The following PI4KA variants were observed in gnomAD, a reference collection of about 807,000 sequenced individuals.
PI4KA encodes PI4-kinase alpha.
A neutral mutation model predicts 271.4 loss-of-function variants in PI4KA; 122 were observed. The observed-to-expected ratio is 0.45, with a 90% CI of 0.39 to 0.52. The LOEUF is 0.52. Among genes scored for constraint, PI4KA ranks in the 20% least tolerant of loss-of-function variants. The probability of loss-of-function intolerance (pLI) is 0.00; values close to 1 mark genes in which losing one functional copy is unlikely to be tolerated. For synonymous variants in PI4KA, 1,041 were observed against 1,078.8 expected (o/e 0.96, Z 0.69); for missense variants, 1,969 against 2,769.1 (o/e 0.71, Z 6.48).
At chr22:20,850,595 G>A (rs1231871073) in intron 1 of PI4KA, among the ~76,000 whole-genome samples, 2 of 151,720 alleles carry the variant, frequency 1.3e-5, no homozygotes, top group East Asian at 2.0e-4. Flanking sequence ...AGGCCACCAC[G>A]CCCAGCTAAT....
chr22:20,799,245 G>A lies in PI4KA; in HGVS notation c.1852C>T (p.Arg618Ter), dbSNP rs201395198. 6.5e-5 allele frequency: 100 copies of A among 1,537,478 alleles called. No homozygotes were observed. Among genetic ancestry groups the A allele is most frequent in the East Asian group, 2.3e-5 (1 of 43,642 alleles). The change falls in exon 16 of 55, where the codon CGA (arginine) becomes TGA (stop). Residue 618 changes from arginine to a stop codon, truncating the protein, a stop_gained. Coordinates refer to ENST00000255882, the MANE Select transcript of PI4KA (RefSeq NM_058004.4). LOFTEE classifies it high-confidence loss of function. ...DAHLIPDHTIRALGHIAVALR... is the reference protein window; with the variant it reads ...DAHLIPDHTI ...GCCACCGCAATGTGTCCCAAGGCTC[G>A]GATTGTGTGGTCGGGAATCAAGTGA...
Position 20,726,552 on chromosome 22 carries a change from G to A in PI4KA, c.4942-11C>T, listed in dbSNP as rs1158960251. ...GAAGAGGATGGCGTCCTGTGGAGGTGGAGCAGAGTTGGCCATGACTTCTGA... is the reference window on the plus strand; with the variant it reads ...GAAGAGGATGGCGTCCTGTGGAGGTAGAGCAGAGTTGGCCATGACTTCTGA... On this transcript the variant is annotated splice_polypyrimidine_tract_variant and intron_variant, in intron 41 of 54. Transcript: ENST00000255882. 1 of 1,585,214 alleles carries A rather than the reference G, an allele frequency of 6.3e-7. No homozygotes were observed. Among genetic ancestry groups the A allele is most frequent in the Admixed American group, 1.8e-5 (1 of 55,606 alleles).
chr22:20,774,017 T>C (rs1933044563), intron 19 of PI4KA: 2 of 152,200 alleles, frequency 1.3e-5, no homozygotes, highest in South Asian at 4.1e-4. Flanking sequence ...GGTTGCCTGG[T>C]GTTTGGATTG....
chr22:20,786,954 T>C, intron 19 of PI4KA: 1 of 1,614,168 alleles, frequency 6.2e-7, no homozygotes, highest in Non-Finnish European at 8.5e-7. Flanking sequence ...TTCATGCCGC[T>C]GTCCACCCAA....
intron 32 of PI4KA, 94 bp from the exon 33 acceptor site, chr22:20,734,647 C>T (rs1928488672): frequency 2.4e-6 from 3 of 1,254,594 alleles, no homozygotes; most frequent in African/African-American, 1.5e-5. Flanking sequence ...CACGTGCTCA[C>T]TGAATAAGAT....
At chr22:20,785,210 C>T (rs1934124211) in intron 19 of PI4KA, among the ~76,000 whole-genome samples, 2 of 152,004 alleles carry the variant, frequency 1.3e-5, no homozygotes, top group Admixed American at 1.3e-4. Context: ...GTTGAGACTA[C>T]AGGCGTGCAC....
At chr22:20,759,407 T>TC (rs1568998106) in intron 23 of PI4KA, among the ~76,000 whole-genome samples, 2 of 135,370 alleles carry the variant, frequency 1.5e-5, no homozygotes, top group Non-Finnish European at 1.6e-5. Flanking sequence ...CTTTTCTTTT[T>TC]TTTTTTTTTT....
chr22:20,721,298 G>A lies in PI4KA; in HGVS notation c.5116C>T (p.Pro1706Ser), dbSNP rs144899078. Reference sequence around the variant, plus strand: ...GCCTGTGGGAGGACAAAATACTCACGGTCTTTCTGGTGGCCCTCTTCATCT... The same window carrying A: ...GCCTGTGGGAGGACAAAATACTCACAGTCTTTCTGGTGGCCCTCTTCATCT... ...YLDEEGHQKD[P>S]DIGDLLDQLV... Residue 1706 changes from proline (P) to serine (S), a missense_variant and splice_region_variant, in exon 43 of 55, where the codon CCT becomes TCT. Pro to Ser is a moderately conservative substitution (Grantham distance 74). This residue lies in a region of PI4KA where 388 missense variants were observed against 521.5 expected (regional missense o/e 0.74). Transcript: ENST00000255882. 1.7e-5 allele frequency: 28 copies of A among 1,613,754 alleles called. No individual in the cohort carries two copies. Among genetic ancestry groups the A allele is most frequent in the Admixed American group, 3.3e-5 (2 of 59,998 alleles).
At chr22:20,715,916 A>C (rs1925942037) in intron 45 of PI4KA, among the ~76,000 whole-genome samples, 1 of 152,060 alleles carries the variant, frequency 6.6e-6, no homozygotes, top group South Asian at 2.1e-4. Flanking sequence ...TTTGAGATAG[A>C]GTCTCACTCT....
At chr22:20,852,766 C>A in intron 1 of PI4KA, among the ~76,000 whole-genome samples, 1 of 152,138 alleles carries the variant, frequency 6.6e-6, no homozygotes, top group East Asian at 1.9e-4. Flanking sequence ...ATGATTTTTA[C>A]TCCATGGCAG....
rs1462573371 is a variant in PI4KA at position 20,824,426 on chromosome 22, A to G, written c.368-12T>C. ...AACCGGGAGGGCACCTGGAAGATGT[A>G]AAAACATAAATCAGATAACCAGGAA... On this transcript the variant is annotated splice_polypyrimidine_tract_variant and intron_variant, in intron 3 of 54. Coordinates refer to ENST00000255882, the MANE Select transcript of PI4KA (RefSeq NM_058004.4). 1 of 1,597,192 alleles carries G rather than the reference A, an allele frequency of 6.3e-7. No homozygotes were observed. Among genetic ancestry groups the G allele is most frequent in the Admixed American group, 1.7e-5 (1 of 59,336 alleles).
intron 3 of PI4KA, 52 bp downstream of exon 3, chr22:20,834,510 C>A: frequency 9.3e-7 from 1 of 1,074,142 alleles, no homozygotes; most frequent in Non-Finnish European, 1.4e-6. Flanking sequence ...CCTACAGACA[C>A]TGAACATGTG....
intron 35 of PI4KA, 114 bp downstream of exon 35, chr22:20,733,622 A>G (rs956442275): frequency 6.4e-7 from 1 of 1,556,718 alleles, no homozygotes; most frequent in African/African-American, 1.3e-5. Context: ...GTTGGTGAGC[A>G]CAACTGGGCA....
chr22:20,770,385 C>T (rs887804280), intron 19 of PI4KA, among the ~76,000 whole-genome samples: 6 of 151,266 alleles, frequency 4.0e-5, no homozygotes, highest in South Asian at 4.2e-4. Context: ...TGATGGCAGG[C>T]GCCTGTAATC....
At chr22:20,771,127 T>C (rs549275149) in intron 19 of PI4KA, among the ~76,000 whole-genome samples, 1 of 152,072 alleles carries the variant, frequency 6.6e-6, no homozygotes, top group East Asian at 1.9e-4. Flanking sequence ...TGCTCTACAG[T>C]GGGGTTAAAG....
intron 19 of PI4KA, among the ~76,000 whole-genome samples, chr22:20,773,114 G>A (rs1040985613): frequency 1.3e-5 from 2 of 150,490 alleles, no homozygotes; most frequent in Non-Finnish European, 3.0e-5. Flanking sequence ...GGCCAGGCGT[G>A]GTGGCTCACG....
intron 9 of PI4KA, among the ~76,000 whole-genome samples, chr22:20,809,447 T>C (rs1935869963): frequency 6.6e-6 from 1 of 151,632 alleles, no homozygotes; most frequent in Admixed American, 6.6e-5. Context: ...TTTTTTTAGC[T>C]ATGAAACTGT....
At chr22:20,799,892 T>C (rs934784887) in intron 14 of PI4KA, 126 bp from the exon 15 acceptor site, 2 of 608,056 alleles carry the variant, frequency 3.3e-6, no homozygotes, top group East Asian at 2.9e-5. Context: ...TCCCCCCAAA[T>C]TGGAGGTCAT....
chr22:20,817,991 G>GT (rs1381892577), intron 7 of PI4KA, among the ~76,000 whole-genome samples: 1 of 151,878 alleles, frequency 6.6e-6, no homozygotes, highest in Non-Finnish European at 1.5e-5. Context: ...TGAGCATGCT[G>GT]GTGTGTGCCT....
Sources: gnomAD v4.1 joint callset for allele counts (sites outside exome capture counted in the v4.1 genomes callset) on GRCh38, gnomAD v4.1.1 for gene constraint, gnomAD v4.1.1 regional missense constraint, MANE v1.5 for transcripts, NCBI Gene and HGNC (gene_info 2026-07-23, HGNC 2026-07-21) for gene names.